The following PRELID2 variants were observed in gnomAD, a reference collection of about 807,000 sequenced individuals.
The protein encoded by PRELID2 is PRELI domain-containing protein 2.
A neutral mutation model predicts 28.4 loss-of-function variants in PRELID2; 25 were observed. The observed-to-expected ratio is 0.88, with a 90% CI of 0.64 to 1.23. The LOEUF is 1.23. PRELID2 is among the 50% of genes most tolerant of loss of function. The pLI is 0.00. For synonymous variants in PRELID2, 76 were observed against 71.6 expected (o/e 1.06, Z -0.31); for missense variants, 201 against 214.4 (o/e 0.94, Z 0.39).
chr5:145,796,472 G>A lies in PRELID2; in HGVS notation c.444C>T (p.Ala148=). The A allele has an allele frequency of 6.2e-7, 1 of 1,610,216 alleles. No individual in the cohort carries two copies. Residue 148 remains alanine (A), a synonymous_variant, in exon 5 of 7, where the codon GCC becomes GCT. Coordinates refer to ENST00000683046, the MANE Select transcript of PRELID2 (RefSeq NM_205846.3). ...GFLNCVLETF[A]STFLRQGAQK... is the part of the protein sequence containing the mutation. ...GGGCTCCCTGTCGTAAGAATGTGCT[G>A]GCAAAAGTTTCTAAAACACAGTTGA...
the PRELID2 span, among the ~76,000 whole-genome samples, chr5:145,231,598 G>A: frequency 7.9e-5 from 12 of 152,160 alleles, no homozygotes; most frequent in Middle Eastern, 3.2e-3. Flanking sequence ...CAGTTTGACC[G>A]CCCACTAGAA....
intron 1 of PRELID2, among the ~76,000 whole-genome samples, chr5:145,513,600 A>G (rs995637671): frequency 4.6e-5 from 7 of 152,172 alleles, no homozygotes; most frequent in Non-Finnish European, 8.8e-5. Context: ...CAATTCCCCA[A>G]CCTAGCAAGA....
intron 2 of PRELID2, among the ~76,000 whole-genome samples, chr5:145,820,918 C>G (rs1025860376): frequency 2.6e-5 from 4 of 152,070 alleles, no homozygotes; most frequent in African/African-American, 9.7e-5. Flanking sequence ...GAAAGGCAGG[C>G]GTGTGGTCTG....
chr5:145,541,549 T>C (rs545251034), intron 1 of PRELID2, among the ~76,000 whole-genome samples: 1 of 152,210 alleles, frequency 6.6e-6, no homozygotes, highest in East Asian at 1.9e-4. Context: ...CATGATGTTT[T>C]ATTAAGGAAA....
intron 1 of PRELID2, among the ~76,000 whole-genome samples, chr5:145,554,538 T>C (rs1261849825): frequency 1.3e-5 from 2 of 152,182 alleles, no homozygotes; most frequent in East Asian, 3.8e-4. Flanking sequence ...GGTTGAAGGA[T>C]CCACTCTTTC....
chr5:145,478,269 C>T (rs1438201185), intron 1 of PRELID2, among the ~76,000 whole-genome samples: 3 of 152,084 alleles, frequency 2.0e-5, no homozygotes, highest in African/African-American at 7.2e-5. Flanking sequence ...TAATATAGGT[C>T]AGGTGCAGTG....
At chr5:145,332,161 G>A in the PRELID2 span, among the ~76,000 whole-genome samples, 1 of 152,182 alleles carries the variant, frequency 6.6e-6, no homozygotes, top group Non-Finnish European at 1.5e-5. Context: ...GCTTCCCTTT[G>A]TGGGTGACCT....
At chr5:145,489,974 T>C (rs1450586269) in intron 1 of PRELID2, among the ~76,000 whole-genome samples, 1 of 152,314 alleles carries the variant, frequency 6.6e-6, no homozygotes, top group East Asian at 1.9e-4. Context: ...TTTGCATAAA[T>C]TTGATGTGAA....
the PRELID2 span, among the ~76,000 whole-genome samples, chr5:145,249,951 C>G: frequency 6.6e-5 from 10 of 151,636 alleles, no homozygotes; most frequent in Non-Finnish European, 1.0e-4. Context: ...CTCTCTCTCT[C>G]TCTCTCTCTC....
intron 1 of PRELID2, among the ~76,000 whole-genome samples, chr5:145,745,106 A>G (rs2149745331): frequency 6.6e-6 from 1 of 152,024 alleles, no homozygotes; most frequent in East Asian, 1.9e-4. Flanking sequence ...AGAAGAAAGG[A>G]TATCAGAGTT....
the PRELID2 span, among the ~76,000 whole-genome samples, chr5:145,234,086 G>A: frequency 6.6e-6 from 1 of 152,122 alleles, no homozygotes; most frequent in Admixed American, 6.6e-5. Context: ...GTAGTGGAAG[G>A]TTATATGCAA....
chr5:145,716,795 C>CAA (rs1471082241), intron 1 of PRELID2, among the ~76,000 whole-genome samples: 1 of 152,152 alleles, frequency 6.6e-6, no homozygotes, highest in Non-Finnish European at 1.5e-5. Flanking sequence ...ATGTGCCTGG[C>CAA]ATTGCTCTCA....
chr5:145,712,305 A>G (rs1238536186), intron 1 of PRELID2, among the ~76,000 whole-genome samples: 1 of 152,236 alleles, frequency 6.6e-6, no homozygotes, highest in Admixed American at 6.5e-5. Flanking sequence ...ATAATTTTAT[A>G]TATATTCTTG....
At chr5:145,433,850 A>T in the PRELID2 span, among the ~76,000 whole-genome samples, 1 of 152,092 alleles carries the variant, frequency 6.6e-6, no homozygotes, top group Non-Finnish European at 1.5e-5. Context: ...CTTGAGGATC[A>T]TTTTTACGAT....
intron 1 of PRELID2, among the ~76,000 whole-genome samples, chr5:145,553,976 TAATAC>T (rs1441073207): frequency 1.3e-5 from 2 of 152,082 alleles, no homozygotes; most frequent in Non-Finnish European, 2.9e-5. Context: ...TGGTGGATGA[TAATAC>T]CTTTAATAAA....
At chr5:145,230,115 T>C in the PRELID2 span, 9 of 572,310 alleles carry the variant, frequency 1.6e-5, no homozygotes, top group African/African-American at 3.7e-5. Flanking sequence ...GTACAGGTGC[T>C]AATTGTTGTG....
chr5:145,770,449 A>C (rs1368848002), intron 5 of PRELID2, among the ~76,000 whole-genome samples: 1 of 152,166 alleles, frequency 6.6e-6, no homozygotes, highest in Admixed American at 6.5e-5. Context: ...GGCTGCAGTG[A>C]ACTATGATTA....
chr5:145,832,629 A>G (rs1321324956), intron 1 of PRELID2, among the ~76,000 whole-genome samples: 5 of 152,104 alleles, frequency 3.3e-5, no homozygotes, highest in African/African-American at 1.2e-4. Flanking sequence ...TAGCTGTGGG[A>G]ACTTGAGGAA....
In PRELID2 at chr5:145,559,271, AG is replaced by A. The variant is rs1580977500; in HGVS notation, n.71-85957del. On this transcript the variant is annotated intron_variant and non_coding_transcript_variant, in intron 1 of 2. Transcript: ENST00000510259. The stretch of plus-strand genomic sequence containing the variant: ...TTCATCTCAAAAGAAAAAAAAAAAA[AG>A]CGTTTTGGGAAATACTGTAATAAAT... 2.0e-5 allele frequency among the ~76,000 whole-genome samples: 3 copies of A among 152,012 alleles called. No homozygotes were observed. In the East Asian group the frequency reaches 5.8e-4, roughly 29 times the overall value.
Sources: gnomAD v4.1 joint callset for allele counts (sites outside exome capture counted in the v4.1 genomes callset) on GRCh38, gnomAD v4.1.1 for gene constraint, MANE v1.5 for transcripts, NCBI Gene and HGNC (gene_info 2026-07-23, HGNC 2026-07-21) for gene names.